ZC3HC1: variants seen among roughly 807,000 people sequenced by gnomAD.
ZC3HC1 encodes zinc finger C3HC-type protein 1.
A neutral mutation model predicts 61.9 loss-of-function variants in ZC3HC1; 38 were observed. The ratio of observed to expected loss-of-function variants is 0.61; its 90% CI spans 0.47 to 0.81. The LOEUF is 0.81. ZC3HC1 is among the 30% of genes least tolerant of loss of function. The probability of loss-of-function intolerance (pLI) is 0.00; values close to 1 mark genes in which losing one functional copy is unlikely to be tolerated. For missense variants in ZC3HC1, 554 were observed against 622.7 expected (o/e 0.89, Z 1.17); for synonymous variants, 213 against 229.9 (o/e 0.93, Z 0.67).
chr7:130,046,074 ACTT>A (rs1794853940), intron 2 of ZC3HC1, among the ~76,000 whole-genome samples: 1 of 152,038 alleles, frequency 6.6e-6, no homozygotes, highest in Non-Finnish European at 1.5e-5. Flanking sequence ...ACATGTTCTC[ACTT>A]ATAAGTGGGA....
At position 130,022,934 on chromosome 7, in the gene ZC3HC1, C is replaced by A. The variant is rs6975455; in HGVS notation, c.1234-409G>T. ...AGCAGGAACCCTACTGTGAACTGCACATGAGAGGGATCTAGACTTCGGGCT... is the reference window on the plus strand; with the variant it reads ...AGCAGGAACCCTACTGTGAACTGCAAATGAGAGGGATCTAGACTTCGGGCT... On this transcript the variant is annotated intron_variant, in intron 8 of 9. Coordinates refer to ENST00000358303, the MANE Select transcript of ZC3HC1 (RefSeq NM_016478.5). 948 of 238,108 alleles carry A rather than the reference C, an allele frequency of 4.0e-3. 8 individuals carry two copies. The highest frequency in any genetic ancestry group is 0.021 in the African/African-American group (888 of 42,266). 14.7% of individuals were successfully genotyped at this position (238,108 alleles called of 1,614,324 possible).
chr7:130,018,558 C>T lies in ZC3HC1; in HGVS notation c.*106G>A, dbSNP rs1216200507. The T allele has an allele frequency of 4.1e-6, 4 of 973,840 alleles. No homozygotes were observed. The highest frequency in any genetic ancestry group is 6.4e-6 in the Non-Finnish European group (4 of 628,516). The allele number at this position is 973,840 out of a possible 1,614,324, so 60.3% of individuals were successfully genotyped here. On this transcript the variant is annotated 3_prime_UTR_variant, in exon 10 of 10. Coordinates refer to ENST00000358303, the MANE Select transcript of ZC3HC1 (RefSeq NM_016478.5). ...TGGCAGGGGGCTCCTTATGATTAACCCAGAACAGGAAAAACTTAGTGTCAG... is the reference window on the plus strand; with the variant it reads ...TGGCAGGGGGCTCCTTATGATTAACTCAGAACAGGAAAAACTTAGTGTCAG...
chr7:130,048,973 C>A, intron 2 of ZC3HC1, 60 bp downstream of exon 2: 1 of 1,364,848 alleles, frequency 7.3e-7, no homozygotes, highest in South Asian at 1.4e-5. Flanking sequence ...TGGTGTAATA[C>A]CTTGGAGGAA....
intron 9 of ZC3HC1, among the ~76,000 whole-genome samples, chr7:130,021,208 G>A (rs1305559777): frequency 6.6e-6 from 1 of 152,058 alleles, no homozygotes; most frequent in Non-Finnish European, 1.5e-5. Context: ...ACCCAGCCAT[G>A]CAATTTTGGA....
At chr7:130,020,856 T>C (rs1178355003) in intron 9 of ZC3HC1, among the ~76,000 whole-genome samples, 1 of 152,142 alleles carries the variant, frequency 6.6e-6, no homozygotes, top group Non-Finnish European at 1.5e-5. Flanking sequence ...TGTGAAAACT[T>C]GGAAAACCTT....
chr7:130,044,554 A>G (rs117900599), intron 2 of ZC3HC1, among the ~76,000 whole-genome samples: 2,381 of 152,324 alleles, frequency 0.016, 33 homozygotes, highest in Middle Eastern at 0.024. Context: ...ATATAATGAT[A>G]GTAATGAATT....
At chr7:130,030,418 T>C (rs1794125583) in intron 4 of ZC3HC1, among the ~76,000 whole-genome samples, 1 of 152,098 alleles carries the variant, frequency 6.6e-6, no homozygotes, top group African/African-American at 2.4e-5. Context: ...CAGGCTGATC[T>C]TTAACTCTTG....
At position 130,051,311 on chromosome 7, in the gene ZC3HC1, C is replaced by A; in HGVS notation, c.56G>T (p.Gly19Val). ...CCCTTCTGGGGAGCGAACTACTGCA[C>A]CCCAATTCTTTTCAACCCCTACGGC... Reference protein sequence around the residue: ...AFAVGVEKNWGAVVRSPEGTP... With the variant: ...AFAVGVEKNWVAVVRSPEGTP... Residue 19 changes from glycine to valine, a missense_variant, in exon 1 of 10, where the codon GGT becomes GTT. Coordinates refer to ENST00000358303, the MANE Select transcript of ZC3HC1 (RefSeq NM_016478.5). 1 of 1,613,370 alleles carries A rather than the reference C, an allele frequency of 6.2e-7. No homozygotes were observed. The highest frequency in any genetic ancestry group is 1.1e-5 in the South Asian group (1 of 90,934).
Position 130,023,811 on chromosome 7 carries a change from T to G in ZC3HC1, c.1021-88A>C. On this transcript the variant is annotated intron_variant, in intron 7 of 9. Transcript: ENST00000358303. The surrounding 1 kb of genome is among the most constrained non-coding windows in gnomAD (Gnocchi z 4.2). Reference sequence around the variant, plus strand: ...TTCTTTCTTTAATCTTTTTTCTTTTTTTTTTTGAGACAGAGTCTCGCTTTG... The same window carrying G: ...TTCTTTCTTTAATCTTTTTTCTTTTGTTTTTTGAGACAGAGTCTCGCTTTG... 8.1e-7 allele frequency: 1 copy of G among 1,229,708 alleles called. No homozygotes were observed. The highest frequency in any genetic ancestry group is 1.6e-5 in the South Asian group (1 of 63,394). The allele number at this position is 1,229,708 out of a possible 1,614,324, so 76.2% of individuals were successfully genotyped here.
chr7:130,039,794 G>A (rs554367537), intron 3 of ZC3HC1, among the ~76,000 whole-genome samples: 3 of 151,722 alleles, frequency 2.0e-5, no homozygotes, highest in Non-Finnish European at 2.9e-5. Flanking sequence ...TTGCTCTGTC[G>A]CCCAGGCTTG....
At position 130,039,498 on chromosome 7, in the gene ZC3HC1, C is replaced by T; in HGVS notation, c.459G>A (p.Glu153=). Residue 153 remains glutamate (E), a synonymous_variant, in exon 4 of 10, where the codon GAG becomes GAA. Transcript: ENST00000358303. ...ELKKALCTAH[E]KFCFWPDSPS... ...GGCTGTCTGGCCAGAAACAGAACTT[C>T]TCATGGGCAGTACACAAGGCTTTCT... is the stretch of plus-strand genomic sequence containing the variant. 1 of 1,612,872 alleles carries T rather than the reference C, an allele frequency of 6.2e-7. No homozygotes were observed.
At chr7:130,025,935 A>G (rs1388736981) in intron 6 of ZC3HC1, among the ~76,000 whole-genome samples, 1 of 151,950 alleles carries the variant, frequency 6.6e-6, no homozygotes, top group African/African-American at 2.4e-5. Flanking sequence ...AGTACAAGAA[A>G]CAAAGTTCAG....
intron 2 of ZC3HC1, chr7:130,045,286 A>ATT (rs1794818928): frequency 4.3e-6 from 1 of 234,180 alleles, no homozygotes; most frequent in South Asian, 5.2e-5. Context: ...TGTAATTTAA[A>ATT]AATTTTTAAG....
At position 130,039,494 on chromosome 7, in the gene ZC3HC1, A is replaced by T; in HGVS notation, c.463T>A (p.Phe155Ile). The T allele has an allele frequency of 1.9e-6, 3 of 1,612,594 alleles. No individual in the cohort carries two copies. The highest frequency in any genetic ancestry group is 2.5e-6 in the Non-Finnish European group (3 of 1,179,640). ...KKALCTAHEK[F>I]CFWPDSPSPD... ...GATGGGCTGTCTGGCCAGAAACAGAACTTCTCATGGGCAGTACACAAGGCT... is the reference window on the plus strand; with the variant it reads ...GATGGGCTGTCTGGCCAGAAACAGATCTTCTCATGGGCAGTACACAAGGCT... Residue 155 changes from phenylalanine (F) to isoleucine (I), a missense_variant, in exon 4 of 10, where the codon TTC (phenylalanine) becomes ATC (isoleucine). By Grantham distance (21) the Phe-to-Ile change is conservative (BLOSUM62 0). Coordinates refer to ENST00000358303, the MANE Select transcript of ZC3HC1 (RefSeq NM_016478.5).
chr7:130,026,036 T>C, intron 6 of ZC3HC1, 122 bp downstream of exon 6: 1 of 1,224,086 alleles, frequency 8.2e-7, no homozygotes, highest in Non-Finnish European at 1.1e-6. Flanking sequence ...CACCCAGTTT[T>C]TCTTTGTCTC....
At chr7:130,040,886 C>T in intron 3 of ZC3HC1, 65 bp downstream of exon 3, 1 of 1,443,336 alleles carries the variant, frequency 6.9e-7, no homozygotes, top group Non-Finnish European at 9.2e-7. Flanking sequence ...TTTTTCCCCC[C>T]CCAGAAAACC....
chr7:130,044,764 A>G (rs569412931), intron 2 of ZC3HC1, among the ~76,000 whole-genome samples: 6 of 152,342 alleles, frequency 3.9e-5, no homozygotes, highest in Non-Finnish European at 8.8e-5. Flanking sequence ...CAAAGTGATC[A>G]TCACCATAAA....
intron 1 of ZC3HC1, chr7:130,050,591 G>T: frequency 8.7e-7 from 1 of 1,144,930 alleles, no homozygotes; most frequent in African/African-American, 1.6e-5. Flanking sequence ...AATTATGAAT[G>T]AAGGTAAAAA....
At chr7:130,036,828 A>G (rs1794448756) in intron 4 of ZC3HC1, 1 of 152,202 alleles carries the variant, frequency 6.6e-6, no homozygotes, top group Admixed American at 6.5e-5. Flanking sequence ...GTGGGTGACC[A>G]TAGAGAAGAG....
Sources: allele counts gnomAD v4.1 joint callset (sites outside exome capture counted in the v4.1 genomes callset), GRCh38; gene constraint gnomAD v4.1.1; non-coding constraint Gnocchi (gnomAD v3.1); transcripts MANE v1.5; gene names NCBI Gene and HGNC (gene_info 2026-07-23, HGNC 2026-07-21).